Variants in INO80D observed in about 807,000 individuals in gnomAD.
INO80D encodes the protein INO80 complex subunit D.
A neutral mutation model predicts 87.6 loss-of-function variants in INO80D; 21 were observed. The ratio of observed to expected loss-of-function variants is 0.24; its 90% confidence interval spans 0.17 to 0.35. The LOEUF (loss-of-function observed/expected upper bound fraction) is 0.35. Ranked by LOEUF, INO80D falls within the 10% of genes least tolerant of loss-of-function variation. INO80D has a pLI of 1.00. For missense variants in INO80D, 982 were observed against 1,280.7 expected (o/e 0.77, Z 3.56); for synonymous variants, 440 against 491.0 (o/e 0.90, Z 1.37).
At chr2:206,009,902 T>A (rs1688125120) in intron 8 of INO80D, 108 bp from the exon 9 acceptor site, 1 of 827,148 alleles carries the variant, frequency 1.2e-6, no homozygotes, top group Non-Finnish European at 1.9e-6. Context: ...GCCTAAAACA[T>A]ACTGGATGCC....
chr2:206,057,440 A>C (rs1348309335), intron 3 of INO80D, among the ~76,000 whole-genome samples: 2 of 152,184 alleles, frequency 1.3e-5, no homozygotes, highest in Admixed American at 1.3e-4. Context: ...ACAGAGAAAG[A>C]GAGAGAGAAT....
At chr2:206,060,188 G>A (rs1024378872) in intron 3 of INO80D, among the ~76,000 whole-genome samples, 1 of 151,968 alleles carries the variant, frequency 6.6e-6, no homozygotes, top group African/African-American at 2.4e-5. Flanking sequence ...CTGGGCAGCA[G>A]AATGAGACCC....
intron 1 of INO80D, among the ~76,000 whole-genome samples, chr2:206,076,155 T>C (rs577624653): frequency 1.3e-4 from 20 of 150,506 alleles, no homozygotes; most frequent in African/African-American, 4.9e-4. Context: ...AGCCCAGGAG[T>C]TCAACACCAG....
intron 6 of INO80D, 93 bp downstream of exon 6, chr2:206,028,018 G>A: frequency 1.2e-6 from 1 of 824,304 alleles, no homozygotes; most frequent in Non-Finnish European, 1.8e-6. Flanking sequence ...AGGACTTAGT[G>A]GTCATCTCCC....
chr2:206,007,705 C>T (rs1474186842), intron 9 of INO80D, among the ~76,000 whole-genome samples: 1 of 151,830 alleles, frequency 6.6e-6, no homozygotes, highest in African/African-American at 2.4e-5. Context: ...ACTTGTAATC[C>T]CAGCTACTCA....
rs1357777443 is a variant in INO80D, at chr2:205,995,229, A to T, written c.*9139T>A. On this transcript the variant is annotated 3_prime_UTR_variant, in exon 11 of 11. Coordinates refer to ENST00000403263, the MANE Select transcript of INO80D (RefSeq NM_017759.5). ...AACATCTCCACTTCAGAGAGAGGAA[A>T]AATGCACAAAGCTCCTCAAGTGAAT... is the stretch of plus-strand genomic sequence containing the variant. 1 of 152,226 alleles carries T rather than the reference A, an allele frequency of 6.6e-6. No homozygotes were observed. The highest frequency in any genetic ancestry group is 1.5e-5 in the Non-Finnish European group (1 of 68,036). 9.4% of individuals were successfully genotyped at this position (152,226 alleles called of 1,614,324 possible).
At chr2:206,047,069 G>T (rs944817728) in intron 4 of INO80D, among the ~76,000 whole-genome samples, 1 of 149,826 alleles carries the variant, frequency 6.7e-6, no homozygotes, top group Non-Finnish European at 1.5e-5. Flanking sequence ...GTGAGCCACC[G>T]CCTGGCCACA....
chr2:205,994,495 C>T lies in INO80D; in HGVS notation c.*9873G>A, dbSNP rs186202772. 2.6e-5 allele frequency: 4 copies of T among 152,306 alleles called. No homozygotes were observed. In the East Asian group the frequency reaches 7.7e-4, roughly 29 times the overall value. 9.4% of individuals were successfully genotyped at this position (152,306 alleles called of 1,614,324 possible). On this transcript the variant is annotated 3_prime_UTR_variant, in exon 11 of 11. Coordinates refer to ENST00000403263, the MANE Select transcript of INO80D (RefSeq NM_017759.5). The stretch of plus-strand genomic sequence containing the variant: ...CCCACTGCAACTTGGTTTCAACTTA[C>T]ACTTCAGTACTCTAGTTGTTAGTAC...
intron 5 of INO80D, among the ~76,000 whole-genome samples, chr2:206,036,814 AC>A (rs1688908202): frequency 6.6e-6 from 1 of 152,218 alleles, no homozygotes. Flanking sequence ...GAGGCACGTT[AC>A]ATGATTATAC....
chr2:206,059,705 G>A (rs1019528706), intron 3 of INO80D, among the ~76,000 whole-genome samples: 4 of 151,432 alleles, frequency 2.6e-5, no homozygotes, highest in East Asian at 3.9e-4. Flanking sequence ...CTGAAAAAGC[G>A]AAAAAGGTTT....
intron 5 of INO80D, among the ~76,000 whole-genome samples, chr2:206,039,609 G>A (rs546006237): frequency 1.7e-4 from 26 of 150,524 alleles, no homozygotes; most frequent in Middle Eastern, 6.9e-3. Context: ...TTGGGAGTTC[G>A]AGACCAGCCT....
At chr2:206,076,832 T>G (rs1198469787) in intron 1 of INO80D, among the ~76,000 whole-genome samples, 5 of 152,172 alleles carry the variant, frequency 3.3e-5, no homozygotes, top group Non-Finnish European at 7.4e-5. Context: ...TTACTAAGTA[T>G]AAGACCTTGG....
At chr2:206,031,316 T>C (rs1057060407) in intron 5 of INO80D, among the ~76,000 whole-genome samples, 6 of 151,972 alleles carry the variant, frequency 3.9e-5, no homozygotes, top group African/African-American at 1.4e-4. Context: ...TAACTCACTT[T>C]GGTGACTCAA....
chr2:206,076,169 G>A (rs981957783), intron 1 of INO80D, among the ~76,000 whole-genome samples: 2 of 151,806 alleles, frequency 1.3e-5, no homozygotes, highest in Admixed American at 6.6e-5. Context: ...ACACCAGGCT[G>A]GGCAATGTAA....
intron 3 of INO80D, among the ~76,000 whole-genome samples, chr2:206,058,008 T>A (rs1689573670): frequency 6.6e-6 from 1 of 152,194 alleles, no homozygotes; most frequent in Non-Finnish European, 1.5e-5. Context: ...GTGCCTTATG[T>A]ATTTCATTTG....
chr2:206,083,159 A>G (rs1340225576), intron 1 of INO80D, among the ~76,000 whole-genome samples: 1 of 152,254 alleles, frequency 6.6e-6, no homozygotes, highest in Non-Finnish European at 1.5e-5. Context: ...CAGGAAATAA[A>G]GTAGCCCATT....
intron 3 of INO80D, among the ~76,000 whole-genome samples, chr2:206,059,258 G>C (rs895979421): frequency 6.6e-6 from 1 of 151,998 alleles, no homozygotes; most frequent in Non-Finnish European, 1.5e-5. Context: ...GTGTGCGCCT[G>C]TAATTCCAGC....
rs375410055 is a variant in INO80D, at chr2:206,001,757, T to C, written c.*2611A>G. On this transcript the variant is annotated 3_prime_UTR_variant, in exon 11 of 11. Coordinates refer to ENST00000403263, the MANE Select transcript of INO80D (RefSeq NM_017759.5). ...ACTTTGATATCTGTTTTGAACTAGA[T>C]AAAATAAGAGGAAAAGTTTGTTGTT... The C allele has an allele frequency of 1.3e-5, 2 of 152,176 alleles. No individual in the cohort carries two copies. The highest frequency in any genetic ancestry group is 2.9e-5 in the Non-Finnish European group (2 of 68,026). 9.4% of individuals were successfully genotyped at this position (152,176 alleles called of 1,614,324 possible).
intron 4 of INO80D, among the ~76,000 whole-genome samples, chr2:206,050,493 A>C (rs1466053109): frequency 1.8e-5 from 1 of 57,026 alleles, no homozygotes; most frequent in Non-Finnish European, 4.7e-5. Context: ...CTCCGTCTCA[A>C]AAGAAAAAAA....
Sources: gnomAD v4.1 joint callset for allele counts (sites outside exome capture counted in the v4.1 genomes callset) on GRCh38, gnomAD v4.1.1 for gene constraint, MANE v1.5 for transcripts, NCBI Gene and HGNC (gene_info 2026-07-23, HGNC 2026-07-21) for gene names.